NEGR1: variants seen among roughly 807,000 people sequenced by gnomAD.
NEGR1 encodes the protein neuronal growth regulator 1, also known as IgLON family member 4.
A neutral mutation model predicts 40.9 loss-of-function variants in NEGR1; 10 were observed. That is an observed-to-expected ratio of 0.24 (90% CI 0.15 to 0.42). NEGR1 has a LOEUF of 0.42. NEGR1 is among the 10% of genes least tolerant of loss of function. The pLI is 1.00. For synonymous variants in NEGR1, 185 were observed against 166.8 expected (o/e 1.11, Z -0.84); for missense variants, 352 against 438.9 (o/e 0.80, Z 1.77).
At chr1:71,499,981 T>C (rs774158095) in intron 6 of NEGR1, among the ~76,000 whole-genome samples, 1 of 152,158 alleles carries the variant, frequency 6.6e-6, no homozygotes, top group Non-Finnish European at 1.5e-5. Context: ...CTTCTCTTTA[T>C]TGAATTAAAA....
intron 1 of NEGR1, among the ~76,000 whole-genome samples, chr1:72,053,709 T>C (rs1204394789): frequency 6.6e-6 from 1 of 151,032 alleles, no homozygotes; most frequent in African/African-American, 2.4e-5. Context: ...TAAAGAAAAA[T>C]GAGAAATGCT....
intron 6 of NEGR1, among the ~76,000 whole-genome samples, chr1:71,582,426 T>A (rs1039580412): frequency 9.2e-5 from 14 of 152,256 alleles, no homozygotes; most frequent in East Asian, 5.8e-4. Flanking sequence ...ATATATATAT[T>A]TTTTTAACTT....
At chr1:71,972,272 C>A (rs2100320925) in intron 1 of NEGR1, among the ~76,000 whole-genome samples, 1 of 152,206 alleles carries the variant, frequency 6.6e-6, no homozygotes, top group Admixed American at 6.5e-5. Context: ...AAGTAGACAC[C>A]ATGCTAGGAC....
chr1:72,077,591 A>C (rs187270130), intron 1 of NEGR1, among the ~76,000 whole-genome samples: 348 of 151,934 alleles, frequency 2.3e-3, no homozygotes, highest in African/African-American at 8.1e-3. Flanking sequence ...AGAGTTTGAG[A>C]CCAGGCTGGG....
At chr1:72,130,113 G>A (rs1650185311) in intron 1 of NEGR1, among the ~76,000 whole-genome samples, 1 of 152,058 alleles carries the variant, frequency 6.6e-6, no homozygotes, top group African/African-American at 2.4e-5. Flanking sequence ...TTACTATGGT[G>A]GACAGATAGC....
At position 72,099,454 on chromosome 1, in the gene NEGR1, A is replaced by G. The variant is rs144513954; in HGVS notation, c.177-164143T>C. Among the ~76,000 whole-genome samples, 503 of 152,186 alleles carry G rather than the reference A, an allele frequency of 3.3e-3. 1 individual carries two copies. The highest frequency in any genetic ancestry group is 9.1e-3 in the African/African-American group (380 of 41,582). On this transcript the variant is annotated intron_variant, in intron 1 of 6. Transcript: ENST00000357731. Reference sequence around the variant, plus strand: ...CTTCTTAAATGGAAAATGCAAAAATACACATGGTATTCTAGCATTTGGCCT... The same window carrying G: ...CTTCTTAAATGGAAAATGCAAAAATGCACATGGTATTCTAGCATTTGGCCT...
rs1646267628 is a variant in NEGR1, at chr1:71,404,779, T to G, written c.*2667A>C. 1 of 152,238 alleles carries G rather than the reference T, an allele frequency of 6.6e-6. No homozygotes were observed. The highest frequency in any genetic ancestry group is 2.1e-4 in the South Asian group (1 of 4,828). 9.4% of individuals were successfully genotyped at this position (152,238 alleles called of 1,614,324 possible). On this transcript the variant is annotated 3_prime_UTR_variant, in exon 7 of 7. Transcript: ENST00000357731. ...ACAGCTAACACAAATTGTTATAGATTAAAAGATAAATCAATTTATAAAACT... is the reference window on the plus strand; with the variant it reads ...ACAGCTAACACAAATTGTTATAGATGAAAAGATAAATCAATTTATAAAACT...
At chr1:71,966,490 T>G (rs1313293577) in intron 1 of NEGR1, among the ~76,000 whole-genome samples, 2 of 152,168 alleles carry the variant, frequency 1.3e-5, no homozygotes, top group Middle Eastern at 6.3e-3. Context: ...CACGCTGTTT[T>G]TTCTATACCT....
Position 72,010,937 on chromosome 1 carries a change from T to C in NEGR1, c.177-75626A>G, listed in dbSNP as rs3102915. Among the ~76,000 whole-genome samples, 1,186 of 152,242 alleles carry C rather than the reference T, an allele frequency of 7.8e-3. 15 individuals are homozygous for C. The highest frequency in any genetic ancestry group is 0.027 in the African/African-American group (1,135 of 41,552). ...TTATCTTCAACCTGAGATCCCTTGTTATAAAGAGGTTCTATAAATAGAATT... is the reference window on the plus strand; with the variant it reads ...TTATCTTCAACCTGAGATCCCTTGTCATAAAGAGGTTCTATAAATAGAATT... On this transcript the variant is annotated intron_variant, in intron 1 of 6. Transcript: ENST00000357731.
At chr1:72,259,865 G>A (rs1655400023) in intron 1 of NEGR1, among the ~76,000 whole-genome samples, 1 of 151,982 alleles carries the variant, frequency 6.6e-6, no homozygotes, top group South Asian at 2.1e-4. Context: ...TTTATCTTTT[G>A]TTAATGCTCA....
At chr1:71,563,185 A>C (rs1389598510) in intron 6 of NEGR1, among the ~76,000 whole-genome samples, 1 of 152,006 alleles carries the variant, frequency 6.6e-6, no homozygotes, top group East Asian at 1.9e-4. Context: ...AGAGAGAGAG[A>C]GGACTGACTA....
At position 72,050,103 on chromosome 1, in the gene NEGR1, G is replaced by T. The variant is rs137917640; in HGVS notation, c.177-114792C>A. ...AAAGTCCACTGCTTTTCTAGATAAAGAAATCTTTATATTGTAAAAAAGGTC... is the reference window on the plus strand; with the variant it reads ...AAAGTCCACTGCTTTTCTAGATAAATAAATCTTTATATTGTAAAAAAGGTC... On this transcript the variant is annotated intron_variant, in intron 1 of 6. Transcript: ENST00000357731. Among the ~76,000 whole-genome samples the T allele has an allele frequency of 4.5e-3, 684 of 151,416 alleles. 1 individual carries two copies. Among genetic ancestry groups the T allele is most frequent in the African/African-American group, 0.016 (649 of 41,428 alleles).
chr1:72,281,268 G>A (rs560212949), intron 1 of NEGR1, among the ~76,000 whole-genome samples: 1 of 152,156 alleles, frequency 6.6e-6, no homozygotes, highest in South Asian at 2.1e-4. Flanking sequence ...TGAGAGCAGC[G>A]AGTGAGACAG....
chr1:71,907,376 A>T (rs1661306280), intron 2 of NEGR1, among the ~76,000 whole-genome samples: 1 of 152,198 alleles, frequency 6.6e-6, no homozygotes, highest in Admixed American at 6.5e-5. Flanking sequence ...ACATAAGATT[A>T]TCAGAGACAT....
chr1:71,912,037 G>T (rs1357334362), intron 2 of NEGR1, among the ~76,000 whole-genome samples: 2 of 152,168 alleles, frequency 1.3e-5, no homozygotes, highest in South Asian at 4.1e-4. Context: ...AACAGCCATA[G>T]CATATATATT....
intron 6 of NEGR1, among the ~76,000 whole-genome samples, chr1:71,488,772 G>A (rs1040056296): frequency 6.6e-6 from 1 of 151,446 alleles, no homozygotes; most frequent in Non-Finnish European, 1.5e-5. Context: ...CCTTATCTTG[G>A]ACTGTCTGTT....
chr1:71,939,718 G>C (rs1645941904), intron 1 of NEGR1, among the ~76,000 whole-genome samples: 1 of 152,002 alleles, frequency 6.6e-6, no homozygotes, highest in Non-Finnish European at 1.5e-5. Context: ...GGCAGATCAA[G>C]AAAATCATTC....
chr1:71,568,172 C>T (rs1648683364), intron 6 of NEGR1, among the ~76,000 whole-genome samples: 1 of 152,130 alleles, frequency 6.6e-6, no homozygotes, highest in Non-Finnish European at 1.5e-5. Flanking sequence ...TATTGACTTC[C>T]TTAGCTGTTT....
At chr1:71,572,125 T>C (rs1648828271) in intron 6 of NEGR1, among the ~76,000 whole-genome samples, 1 of 152,194 alleles carries the variant, frequency 6.6e-6, no homozygotes, top group East Asian at 1.9e-4. Context: ...TATTTAGCCC[T>C]ACCACAAGTT....
Sources: gnomAD v4.1 joint callset for allele counts (sites outside exome capture counted in the v4.1 genomes callset) on GRCh38, gnomAD v4.1.1 for gene constraint, MANE v1.5 for transcripts, NCBI Gene and HGNC (gene_info 2026-07-23, HGNC 2026-07-21) for gene names.